CEP112: variants seen among roughly 807,000 people sequenced by gnomAD.
The protein encoded by CEP112 is centrosomal protein 112.
A neutral mutation model predicts 153.0 loss-of-function variants in CEP112; 127 were observed. The ratio of observed to expected loss-of-function variants is 0.83; its 90% confidence interval spans 0.72 to 0.96. The LOEUF (loss-of-function observed/expected upper bound fraction) is 0.96. Among genes scored for constraint, CEP112 ranks in the 40% least tolerant of loss-of-function variants. CEP112 has a pLI of 0.00. For synonymous variants in CEP112, 358 were observed against 374.4 expected (o/e 0.96, Z 0.51); for missense variants, 1,089 against 1,101.2 (o/e 0.99, Z 0.16).
At chr17:66,159,273 A>G (rs1014488973) in intron 4 of CEP112, among the ~76,000 whole-genome samples, 2 of 152,232 alleles carry the variant, frequency 1.3e-5, no homozygotes, top group African/African-American at 4.8e-5. Flanking sequence ...CCATAGGTGC[A>G]AAGAGGAGCT....
intron 8 of CEP112, among the ~76,000 whole-genome samples, chr17:66,073,258 T>C (rs1418268683): frequency 6.6e-6 from 1 of 152,042 alleles, no homozygotes; most frequent in South Asian, 2.1e-4. Flanking sequence ...AGTACTGTGA[T>C]CCTCAAGAAT....
chr17:65,937,580 C>T (rs1222472449), intron 18 of CEP112, among the ~76,000 whole-genome samples: 1 of 99,550 alleles, frequency 1.0e-5, no homozygotes, highest in Non-Finnish European at 2.1e-5. Context: ...GGGGGTCAGC[C>T]CCCCACCCGG....
chr17:65,748,981 C>A (rs954091254), intron 22 of CEP112, among the ~76,000 whole-genome samples: 2 of 152,162 alleles, frequency 1.3e-5, no homozygotes, highest in African/African-American at 4.8e-5. Flanking sequence ...GATATGCCAA[C>A]TGGGGATTTT....
chr17:66,178,373 T>C (rs2146887037), intron 2 of CEP112, among the ~76,000 whole-genome samples: 1 of 152,348 alleles, frequency 6.6e-6, no homozygotes, highest in Admixed American at 6.5e-5. Context: ...TATTGAGAAA[T>C]GTCTATTTAG....
intron 4 of CEP112, among the ~76,000 whole-genome samples, chr17:66,154,573 TAGAC>T (rs2071354468): frequency 6.6e-6 from 1 of 152,110 alleles, no homozygotes; most frequent in African/African-American, 2.4e-5. Context: ...TCCATTGTGA[TAGAC>T]AGAGGGAATT....
chr17:66,147,625 GTATGTTTCCCTATTATAGCTCT>G (rs1364531572), intron 4 of CEP112, among the ~76,000 whole-genome samples: 15 of 151,918 alleles, frequency 9.9e-5, no homozygotes, highest in African/African-American at 3.6e-4. Context: ...TATGTCTTCC[GTATGTTTCCCTATTATAGCTCT>G]TATGTTTAGG....
chr17:66,156,449 A>G (rs986507539), intron 4 of CEP112, among the ~76,000 whole-genome samples: 4 of 152,300 alleles, frequency 2.6e-5, no homozygotes, highest in African/African-American at 9.6e-5. Flanking sequence ...AAGGCTGAAA[A>G]TTCCAAAAAC....
At chr17:66,007,293 G>A (rs2064316571) in intron 16 of CEP112, among the ~76,000 whole-genome samples, 2 of 152,094 alleles carry the variant, frequency 1.3e-5, no homozygotes, top group Non-Finnish European at 2.9e-5. Context: ...ATTTTAAATG[G>A]TAAATTTAAA....
At chr17:65,655,104 G>A (rs978180302) in intron 24 of CEP112, 5 of 711,184 alleles carry the variant, frequency 7.0e-6, no homozygotes, top group Non-Finnish European at 1.1e-5. Context: ...TTTAAAGTTG[G>A]CGTCATTCCC....
chr17:65,908,471 G>A (rs1046316168), intron 19 of CEP112, among the ~76,000 whole-genome samples: 3 of 152,120 alleles, frequency 2.0e-5, no homozygotes, highest in East Asian at 1.9e-4. Flanking sequence ...TGAGCCGGGC[G>A]GATCATCTGA....
chr17:65,843,203 T>A (rs2057590520), intron 21 of CEP112, among the ~76,000 whole-genome samples: 1 of 152,190 alleles, frequency 6.6e-6, no homozygotes, highest in Admixed American at 6.5e-5. Context: ...GTTTTCCAAG[T>A]TATTTGTGTA....
At chr17:66,170,879 A>C (rs560144919) in intron 4 of CEP112, among the ~76,000 whole-genome samples, 1 of 152,348 alleles carries the variant, frequency 6.6e-6, no homozygotes, top group Admixed American at 6.5e-5. Flanking sequence ...AAATATGGGC[A>C]ATAAGATTAT....
At chr17:66,122,591 G>A (rs779412947) in intron 6 of CEP112, among the ~76,000 whole-genome samples, 7 of 152,288 alleles carry the variant, frequency 4.6e-5, no homozygotes, top group Non-Finnish European at 1.0e-4. Context: ...GATGACAGTG[G>A]ATTTAGCAGG....
At chr17:65,713,374 A>G (rs1025076702) in intron 23 of CEP112, among the ~76,000 whole-genome samples, 1 of 152,216 alleles carries the variant, frequency 6.6e-6, no homozygotes, top group Non-Finnish European at 1.5e-5. Flanking sequence ...AAAACATAAT[A>G]AAATCTAAAT....
At chr17:66,066,103 T>C (rs2067107479) in intron 10 of CEP112, among the ~76,000 whole-genome samples, 1 of 152,082 alleles carries the variant, frequency 6.6e-6, no homozygotes, top group Admixed American at 6.5e-5. Flanking sequence ...CCCAAAACAA[T>C]ATTTTCAACA....
intron 24 of CEP112, among the ~76,000 whole-genome samples, chr17:65,660,452 TTC>T (rs1449046865): frequency 9.4e-5 from 8 of 84,912 alleles, no homozygotes; most frequent in South Asian, 6.6e-4. Context: ...TCTCTCTCTC[TTC>T]TCTCTCTCCT....
At chr17:66,178,545 A>G (rs117775253) in intron 2 of CEP112, among the ~76,000 whole-genome samples, 2 of 152,026 alleles carry the variant, frequency 1.3e-5, no homozygotes, top group Non-Finnish European at 2.9e-5. Flanking sequence ...TCCTTTGCAG[A>G]AGCTTTTTAA....
At position 65,677,909 on chromosome 17, in the gene CEP112, A is replaced by G. The variant is rs192047407; in HGVS notation, c.2697+11220T>C. ...GCCTGGGAGACAGAACAAGACCTTT[A>G]TCTCCAAAAAAGATAAATAAATAAA... On this transcript the variant is annotated intron_variant, in intron 24 of 26. Coordinates refer to ENST00000535342, the MANE Select transcript of CEP112 (RefSeq NM_001199165.4). Among the ~76,000 whole-genome samples, 65 of 152,220 alleles carry G rather than the reference A, an allele frequency of 4.3e-4. 4 individuals are homozygous for G. In the South Asian group the frequency reaches 0.013, roughly 31 times the overall value.
At chr17:66,129,067 T>A (rs1356232492) in intron 6 of CEP112, among the ~76,000 whole-genome samples, 1 of 152,152 alleles carries the variant, frequency 6.6e-6, no homozygotes, top group Non-Finnish European at 1.5e-5. Flanking sequence ...ATTTAAACAG[T>A]TAGCATTTAT....
Sources: allele counts gnomAD v4.1 joint callset (sites outside exome capture counted in the v4.1 genomes callset), GRCh38; gene constraint gnomAD v4.1.1; transcripts MANE v1.5; gene names NCBI Gene and HGNC (gene_info 2026-07-23, HGNC 2026-07-21).